Variants in TTN observed in about 807,000 individuals in gnomAD.
TTN encodes the protein connectin.
A neutral mutation model predicts 3,223.0 loss-of-function variants in TTN; 1,525 were observed. The observed-to-expected ratio is 0.47, with a 90% CI of 0.45 to 0.49. The LOEUF is 0.49. Ranked by LOEUF, TTN falls within the 20% of genes least tolerant of loss-of-function variation. The pLI is 0.00. For missense variants in TTN, 40,786 were observed against 43,424.0 expected, an observed-to-expected ratio of 0.94 and a Z score of 5.40; for synonymous variants, 14,094 against 15,161.0, an observed-to-expected ratio of 0.93 and a Z score of 5.17.
chr2:178,680,654 T>C (rs1315190337), intron 138 of TTN, among the ~76,000 whole-genome samples: 1 of 152,000 alleles, frequency 6.6e-6, no homozygotes, highest in Non-Finnish European at 1.5e-5. Flanking sequence ...TACTTCATAC[T>C]TAGTATGAAT....
rs779397487 is a variant in TTN at position 178,597,720 on chromosome 2, G to A, written c.57362C>T (p.Pro19121Leu). ...RIIAYVSGKP[P>L]PTVTWNMNER... ...ATTCATGTTCCAGGTGACGGTTGGA[G>A]GAGGCTTTCCAGACACATAGGCAAT... Residue 19121 changes from proline to leucine, a missense_variant, in exon 294 of 363, where the codon CCT (proline) becomes CTT (leucine). Coordinates refer to ENST00000589042, the MANE Select transcript of TTN (RefSeq NM_001267550.2). 1 of 1,613,178 alleles carries A rather than the reference G, an allele frequency of 6.2e-7. No individual in the cohort carries two copies. Among genetic ancestry groups the A allele is most frequent in the Non-Finnish European group, 8.5e-7 (1 of 1,179,582 alleles).
Position 178,574,410 on chromosome 2 carries a change from C to G in TTN, c.71722G>C (p.Gly23908Arg), listed in dbSNP as rs1417810577. ...EFRVIAENMA[G>R]KSKPSKPSEP... Reference sequence around the variant, plus strand: ...GATGGCTTGCTTGGCTTACTTTTGCCTGCCATGTTTTCTGCAATCACCCGG... The same window carrying G: ...GATGGCTTGCTTGGCTTACTTTTGCGTGCCATGTTTTCTGCAATCACCCGG... Residue 23908 changes from glycine to arginine, a missense_variant, in exon 326 of 363, where the codon GGC (glycine) becomes CGC (arginine). Transcript: ENST00000589042. The G allele has an allele frequency of 6.2e-7, 1 of 1,613,384 alleles. No individual in the cohort carries two copies. The highest frequency in any genetic ancestry group is 8.5e-7 in the Non-Finnish European group (1 of 1,179,618).
Position 178,562,963 on chromosome 2 carries a change from C to G in TTN, c.83169G>C (p.Glu27723Asp), listed in dbSNP as rs547706181. The G allele has an allele frequency of 6.2e-7, 1 of 1,613,724 alleles. No homozygotes were observed. The highest frequency in any genetic ancestry group is 2.2e-5 in the East Asian group (1 of 44,802). Reference protein sequence around the residue: ...EGILTDRAQIEVTSSFTMLVI... With the variant: ...EGILTDRAQIDVTSSFTMLVI... ...CCAACATTGTAAATGAGCTGGTCAC[C>G]TCTATCTGAGCCCTGTCAGTGAGAA... Residue 27723 changes from glutamate (E) to aspartate (D), a missense_variant, in exon 326 of 363, where the codon GAG (glutamate) becomes GAC (aspartate). Physicochemically the swap from Glu to Asp is conservative, Grantham distance 45. Transcript: ENST00000589042.
In TTN at chr2:178,782,820, T is replaced by G. The variant is rs774126306; in HGVS notation, c.3086A>C (p.Tyr1029Ser). The part of the protein sequence containing the change: ...NEAGTVSTSC[Y>S]LAVQVSEEFE... The stretch of plus-strand genomic sequence containing the variant: ...TGGCCACTAACCCTGCACAGCCAGA[T>G]AGCAGGATGTGCTGACGGTTCCAGC... Residue 1029 changes from tyrosine (Y) to serine (S), a missense_variant, in exon 18 of 363, where the codon TAT becomes TCT. Physicochemically the swap from Tyr to Ser is moderately radical, Grantham distance 144. Coordinates refer to ENST00000589042, the MANE Select transcript of TTN (RefSeq NM_001267550.2). 1 of 1,613,056 alleles carries G rather than the reference T, an allele frequency of 6.2e-7. No individual in the cohort carries two copies. The highest frequency in any genetic ancestry group is 2.2e-5 in the East Asian group (1 of 44,850).
At chr2:178,730,039 C>T in intron 62 of TTN, 54 bp downstream of exon 62, 1 of 1,596,800 alleles carries the variant, frequency 6.3e-7, no homozygotes, top group Non-Finnish European at 8.5e-7. Context: ...CCCGGCCCAC[C>T]CCAGGCAAGA....
chr2:178,671,098 G>C lies in TTN; in HGVS notation c.35300C>G (p.Pro11767Arg). Residue 11767 changes from proline (P) to arginine (R), a missense_variant, in exon 156 of 363, where the codon CCA becomes CGA. By Grantham distance (103) the Pro-to-Arg change is moderately radical. Transcript: ENST00000589042. ...PTKVVPRKEP[P>R]AKVPEVPKKI... ...TTTCACAAAGAAGATACCTTTAGCT[G>C]GTGGCTCTTTTCGAGGAACAACTTT... The C allele has an allele frequency of 1.2e-6, 2 of 1,605,414 alleles. No individual in the cohort carries two copies. The highest frequency in any genetic ancestry group is 1.7e-6 in the Non-Finnish European group (2 of 1,176,126).
In TTN at chr2:178,636,869, C is replaced by T. The variant is rs1026165681; in HGVS notation, c.40928-70G>A. The T allele has an allele frequency of 4.7e-6, 7 of 1,480,398 alleles. No homozygotes were observed. The African/African-American group carries it at 8.4e-5, about 18-fold the overall frequency. The allele number at this position is 1,480,398 out of a possible 1,614,324, so 91.7% of individuals were successfully genotyped here. ...AGTCAGAAAGTTCATACTTGGCTGC[C>T]TGCTGGATAAAACCAGCCGTAAAGC... is the stretch of plus-strand genomic sequence containing the variant. On this transcript the variant is annotated intron_variant, in intron 224 of 362. Transcript: ENST00000589042. This position sits in a 1 kb window ranked among gnomAD's most constrained non-coding sequence, Gnocchi z 4.3.
intron 37 of TTN, among the ~76,000 whole-genome samples, 189 bp from the exon 38 acceptor site, chr2:178,769,122 G>C (rs991692646): frequency 6.6e-6 from 1 of 151,970 alleles, no homozygotes; most frequent in African/African-American, 2.4e-5. Flanking sequence ...GGAACAGAAA[G>C]ATCAAGTGAT....
chr2:178,804,587 T>C lies in TTN; in HGVS notation c.56A>G (p.Glu19Gly), dbSNP rs954288080. The C allele has an allele frequency of 6.2e-7, 1 of 1,614,048 alleles. No individual in the cohort carries two copies. ...TQPLQSVVVL[E>G]GSTATFEAHI... ...AGCCTCAAAGGTTGCGGTACTACCC[T>C]CCAGTACCACAACGCTTTGTAACGG... The change falls in exon 2 of 363, where the codon GAG (glutamate) becomes GGG (glycine). Residue 19 changes from glutamate to glycine, a missense_variant. By Grantham distance (98) the Glu-to-Gly change is moderately conservative. Coordinates refer to ENST00000589042, the MANE Select transcript of TTN (RefSeq NM_001267550.2).
chr2:178,789,186 A>G (rs1202052699), intron 13 of TTN, among the ~76,000 whole-genome samples, 174 bp downstream of exon 13: 2 of 152,224 alleles, frequency 1.3e-5, no homozygotes, highest in East Asian at 3.9e-4. Context: ...ACAATAATAA[A>G]TTTTTTTAGT....
Position 178,706,516 on chromosome 2 carries a change from T to A in TTN, c.29358A>T (p.Leu9786Phe), listed in dbSNP as rs2075898399. Residue 9786 changes from leucine (L) to phenylalanine (F), a missense_variant, in exon 102 of 363, where the codon TTA becomes TTT. By Grantham distance (22) the Leu-to-Phe change is conservative. Transcript: ENST00000589042. ...EHGEIESNVN[L>F]QVDERKKQEK... is the part of the protein sequence containing the mutation. ...CTTGTTTCTTCCTTTCATCCACCTGTAAGTTAACATTACTTTCAATTTCAC... is the reference window on the plus strand; with the variant it reads ...CTTGTTTCTTCCTTTCATCCACCTGAAAGTTAACATTACTTTCAATTTCAC... 1 of 1,613,770 alleles carries A rather than the reference T, an allele frequency of 6.2e-7. No homozygotes were observed. The highest frequency in any genetic ancestry group is 1.3e-5 in the African/African-American group (1 of 74,924).
rs1395648308 is a variant in TTN at position 178,621,101 on chromosome 2, C to G, written c.45616+1G>C. The stretch of plus-strand genomic sequence containing the variant: ...AACCCTAAAAGCAAGAACAAACTTA[C>G]CAATGACTGTCAAGTGAGCTGCTGC... On this transcript the variant is annotated splice_donor_variant, in intron 246 of 362. Coordinates refer to ENST00000589042, the MANE Select transcript of TTN (RefSeq NM_001267550.2). LOFTEE classifies it high-confidence loss of function. 2 of 1,611,472 alleles carry G rather than the reference C, an allele frequency of 1.2e-6. No homozygotes were observed. Among genetic ancestry groups the G allele is most frequent in the Admixed American group, 3.4e-5 (2 of 59,618 alleles).
rs746511599 is a variant in TTN, at chr2:178,567,041, A to G, written c.79091T>C (p.Val26364Ala). ...AGGCTCTCCAACACCATATTTGTTG[A>G]CAGCCATTATACGGAAAACATATTC... is the stretch of plus-strand genomic sequence containing the variant. Reference protein sequence around the residue: ...GNEYVFRIMAVNKYGVGEPLE... With the variant: ...GNEYVFRIMAANKYGVGEPLE... Residue 26364 changes from valine to alanine, a missense_variant, in exon 326 of 363, where the codon GTC becomes GCC. By Grantham distance (64) the Val-to-Ala change is moderately conservative. Coordinates refer to ENST00000589042, the MANE Select transcript of TTN (RefSeq NM_001267550.2). 9 of 1,613,518 alleles carry G rather than the reference A, an allele frequency of 5.6e-6. No homozygotes were observed. Among genetic ancestry groups the G allele is most frequent in the Non-Finnish European group, 7.6e-6 (9 of 1,179,658 alleles).
At chr2:178,681,329 A>G in intron 137 of TTN, 47 bp downstream of exon 137, 1 of 1,544,302 alleles carries the variant, frequency 6.5e-7, no homozygotes, top group South Asian at 1.2e-5. Flanking sequence ...TGATTTTAGA[A>G]CATACATAAC....
In TTN at chr2:178,563,077, G is replaced by A. The variant is rs758110575; in HGVS notation, c.83055C>T (p.Val27685=). 14 of 1,613,592 alleles carry A rather than the reference G, an allele frequency of 8.7e-6. No individual in the cohort carries two copies. Among genetic ancestry groups the A allele is most frequent in the Admixed American group, 1.7e-5 (1 of 59,960 alleles). Residue 27685 remains valine, a synonymous_variant, in exon 326 of 363, where the codon GTC becomes GTT. Transcript: ENST00000589042. This position sits in a 1 kb window ranked among gnomAD's most constrained non-coding sequence, Gnocchi z 4.5. ...GTAAAGTAGCACTTGCACGCAGAAC[G>A]ACCACCTTTCTGAGATCAGCATCGA... The part of the protein sequence containing the change: ...IELDADLRKV[V]VLRASATLRL...
intron 47 of TTN, chr2:178,749,221 T>C: frequency 6.2e-7 from 1 of 1,611,246 alleles, no homozygotes; most frequent in South Asian, 1.1e-5. Flanking sequence ...TTCTTATTTC[T>C]TTCTTAATAG....
chr2:178,799,795 G>T lies in TTN; in HGVS notation c.669+30C>A, dbSNP rs2306908. 630 of 1,614,168 alleles carry T rather than the reference G, an allele frequency of 3.9e-4. 8 individuals carry two copies. In the East Asian group the frequency reaches 0.012, roughly 31 times the overall value. ...TAGCTGGGGACGCAACAGCCTGAAA[G>T]GCTTGAAAACCAACAGTATAGAAAA... is the stretch of plus-strand genomic sequence containing the variant. On this transcript the variant is annotated intron_variant, in intron 5 of 362. Coordinates refer to ENST00000589042, the MANE Select transcript of TTN (RefSeq NM_001267550.2).
At chr2:178,613,353 G>T in intron 263 of TTN, 77 bp from the exon 264 acceptor site, 2 of 1,091,364 alleles carry the variant, frequency 1.8e-6, no homozygotes, top group Non-Finnish European at 2.6e-6. Context: ...ACACAGAAGA[G>T]ACTAATTTAT....
At position 178,647,348 on chromosome 2, in the gene TTN, C is replaced by A. The variant is rs1431534220; in HGVS notation, c.40141+33G>T. 3.9e-6 allele frequency: 6 copies of A among 1,544,902 alleles called. No homozygotes were observed. The East Asian group carries it at 7.3e-5, about 19-fold the overall frequency. ...AAAGCAAGAGGATGAAGACAATTGTCATCTTTCCAAGATTTATGGAGAAGC... is the reference window on the plus strand; with the variant it reads ...AAAGCAAGAGGATGAAGACAATTGTAATCTTTCCAAGATTTATGGAGAAGC... On this transcript the variant is annotated intron_variant, in intron 214 of 362. Coordinates refer to ENST00000589042, the MANE Select transcript of TTN (RefSeq NM_001267550.2).
Sources: allele counts gnomAD v4.1 joint callset (sites outside exome capture counted in the v4.1 genomes callset), GRCh38; gene constraint gnomAD v4.1.1; non-coding constraint Gnocchi (gnomAD v3.1); transcripts MANE v1.5; gene names NCBI Gene and HGNC (gene_info 2026-07-23, HGNC 2026-07-21).